LINGO2: variants seen among roughly 807,000 people sequenced by gnomAD.
The protein encoded by LINGO2 is leucine-rich repeat and immunoglobulin-like domain-containing nogo receptor-interacting protein 2.
In LINGO2, 14 loss-of-function variants were observed where a neutral mutation model predicts 30.6. The observed-to-expected ratio is 0.46, with a 90% confidence interval of 0.30 to 0.72. The LOEUF is 0.72. LINGO2 is among the 30% of genes least tolerant of loss of function. LINGO2 has a pLI of 0.07. For missense variants in LINGO2, 729 were observed against 751.7 expected (o/e 0.97, Z 0.35); for synonymous variants, 317 against 288.5 (o/e 1.10, Z -1.00).
the LINGO2 span, among the ~76,000 whole-genome samples, chr9:29,022,121 T>C: frequency 6.6e-6 from 1 of 152,170 alleles, no homozygotes; most frequent in African/African-American, 2.4e-5. Context: ...TCTTCCACAT[T>C]TTTCTCACAT....
the LINGO2 span, among the ~76,000 whole-genome samples, chr9:28,790,317 T>TTTTC: frequency 4.6e-3 from 643 of 139,200 alleles, 5 homozygotes; most frequent in African/African-American, 0.015. Flanking sequence ...CCATCTTTTC[T>TTTTC]TTTCTTTCTT....
At chr9:28,632,875 TATATGTAGAGAGAGAGAGAGAG>T (rs1827058801) in intron 1 of LINGO2, among the ~76,000 whole-genome samples, 21 of 96,710 alleles carry the variant, frequency 2.2e-4, no homozygotes, top group African/African-American at 9.0e-4. Context: ...TATATATATA[TATATGTAGAGAGAGAGAGAGAG>T]AGAGAGAGAG....
chr9:28,363,975 A>C (rs531675498), intron 3 of LINGO2, among the ~76,000 whole-genome samples: 12 of 132,258 alleles, frequency 9.1e-5, no homozygotes, highest in Admixed American at 8.6e-4. Flanking sequence ...TAATTAGGTT[A>C]CAAAAAAAAA....
At chr9:28,985,538 CT>C in the LINGO2 span, among the ~76,000 whole-genome samples, 17 of 152,102 alleles carry the variant, frequency 1.1e-4, no homozygotes, top group African/African-American at 4.1e-4. Context: ...TATCCTTCAT[CT>C]TTTTGATAAC....
chr9:28,494,255 A>G (rs1819497392), intron 1 of LINGO2, among the ~76,000 whole-genome samples: 1 of 152,120 alleles, frequency 6.6e-6, no homozygotes, highest in Non-Finnish European at 1.5e-5. Flanking sequence ...ACTAGGGTAC[A>G]TGTACACAAC....
At chr9:29,131,377 T>A in the LINGO2 span, among the ~76,000 whole-genome samples, 1 of 152,158 alleles carries the variant, frequency 6.6e-6, no homozygotes, top group Non-Finnish European at 1.5e-5. Flanking sequence ...TTAAGATCTT[T>A]AAATTTAACA....
At chr9:28,163,512 T>C (rs1362023129) in intron 4 of LINGO2, among the ~76,000 whole-genome samples, 2 of 152,152 alleles carry the variant, frequency 1.3e-5, no homozygotes, top group African/African-American at 2.4e-5. Context: ...AAATAATCTA[T>C]AGAACTTAGA....
At chr9:29,189,051 CGGGGGGCTG>C in the LINGO2 span, among the ~76,000 whole-genome samples, 2 of 106,890 alleles carry the variant, frequency 1.9e-5, no homozygotes, top group Non-Finnish European at 4.2e-5. Context: ...GCTGGCCGGG[CGGGGGGCTG>C]ACCCCCCCCA....
the LINGO2 span, among the ~76,000 whole-genome samples, chr9:28,820,153 A>C: frequency 3.6e-4 from 55 of 152,196 alleles, no homozygotes; most frequent in East Asian, 9.5e-3. Flanking sequence ...GAAACCAGTA[A>C]GTAATATATT....
intron 4 of LINGO2, among the ~76,000 whole-genome samples, chr9:28,190,507 G>A (rs1428822323): frequency 1.3e-5 from 2 of 152,046 alleles, no homozygotes; most frequent in Admixed American, 6.6e-5. Flanking sequence ...AATGAGATTC[G>A]TGCCCTTATA....
At chr9:28,227,038 A>T (rs1649368155) in intron 4 of LINGO2, among the ~76,000 whole-genome samples, 1 of 152,096 alleles carries the variant, frequency 6.6e-6, no homozygotes, top group African/African-American at 2.4e-5. Context: ...TTTCTAACCC[A>T]TTGGATTATT....
At chr9:28,272,949 C>T (rs763479377) in intron 4 of LINGO2, among the ~76,000 whole-genome samples, 8 of 152,230 alleles carry the variant, frequency 5.3e-5, no homozygotes, top group South Asian at 4.1e-4. Flanking sequence ...TCTTCAGGTG[C>T]TCCCAGTGCA....
At chr9:28,531,450 G>C (rs1256270412) in intron 1 of LINGO2, among the ~76,000 whole-genome samples, 1 of 151,742 alleles carries the variant, frequency 6.6e-6, no homozygotes, top group Non-Finnish European at 1.5e-5. Context: ...CTTTTTTCTA[G>C]TTATGTTTAA....
chr9:28,866,300 G>A, the LINGO2 span, among the ~76,000 whole-genome samples: 2 of 151,900 alleles, frequency 1.3e-5, no homozygotes, highest in Non-Finnish European at 2.9e-5. Context: ...ATGCTTTATT[G>A]TATTTTTTTA....
chr9:28,560,132 C>A (rs1949664), intron 1 of LINGO2, among the ~76,000 whole-genome samples: 146,813 of 151,680 alleles, frequency 0.97, 71,222 homozygotes, highest in East Asian at 1. Flanking sequence ...CCACTGATTA[C>A]GTTACCAATA....
chr9:28,318,114 A>C, intron 3 of LINGO2, among the ~76,000 whole-genome samples: 1 of 152,206 alleles, frequency 6.6e-6, no homozygotes, highest in East Asian at 1.9e-4. Context: ...CACTGAGTTA[A>C]TATCAGGCTA....
chr9:27,953,475 C>G (rs1420906811), intron 5 of LINGO2, among the ~76,000 whole-genome samples: 1 of 152,154 alleles, frequency 6.6e-6, no homozygotes, highest in East Asian at 1.9e-4. Context: ...TGGCTGTGTC[C>G]CCACCCAAAT....
Position 28,326,792 on chromosome 9 carries a change from T to C in LINGO2, c.-245-31426A>G, listed in dbSNP as rs116112839. Among the ~76,000 whole-genome samples, 771 of 152,280 alleles carry C rather than the reference T, an allele frequency of 5.1e-3. 9 individuals carry two copies. The highest frequency in any genetic ancestry group is 0.017 in the African/African-American group (723 of 41,534). ...CACAAATGTTAGGAAGGTTCAATAT[T>C]CCTTGGGGATCATGGTCACAAGAGA... On this transcript the variant is annotated intron_variant, in intron 3 of 5. Transcript: ENST00000379992.
At chr9:27,980,952 T>A (rs1279704938) in intron 5 of LINGO2, among the ~76,000 whole-genome samples, 1 of 151,868 alleles carries the variant, frequency 6.6e-6, no homozygotes, top group Non-Finnish European at 1.5e-5. Flanking sequence ...GAACAGAAAT[T>A]TAATGTATGA....
Sources: allele counts gnomAD v4.1 joint callset (sites outside exome capture counted in the v4.1 genomes callset), GRCh38; gene constraint gnomAD v4.1.1; transcripts MANE v1.5; gene names NCBI Gene and HGNC (gene_info 2026-07-23, HGNC 2026-07-21).